PDK1: variants seen among roughly 807,000 people sequenced by gnomAD.
PDK1 encodes the protein [Pyruvate dehydrogenase (acetyl-transferring)] kinase isozyme 1, mitochondrial.
In PDK1, 39 loss-of-function variants were observed where a neutral mutation model predicts 54.2. That is an observed-to-expected ratio of 0.72 (90% CI 0.56 to 0.94). PDK1 has a LOEUF of 0.94. PDK1 is among the 40% of genes least tolerant of loss of function. The pLI is 0.00. For synonymous variants in PDK1, 221 were observed against 207.1 expected, an observed-to-expected ratio of 1.07 and a Z score of -0.58; for missense variants, 552 against 566.0, an observed-to-expected ratio of 0.98 and a Z score of 0.25.
At chr2:172,654,942 T>G in the PDK1 span, among the ~76,000 whole-genome samples, 1 of 152,044 alleles carries the variant, frequency 6.6e-6, no homozygotes, top group African/African-American at 2.4e-5. Context: ...CTGCAGGGGA[T>G]TGGGATTTTG....
chr2:172,671,105 T>A, the PDK1 span, among the ~76,000 whole-genome samples: 15 of 151,264 alleles, frequency 9.9e-5, no homozygotes, highest in South Asian at 4.2e-4. Flanking sequence ...TTTTTTTTTT[T>A]AAAAGCACAA....
At chr2:172,632,462 G>A in the PDK1 span, among the ~76,000 whole-genome samples, 1 of 152,132 alleles carries the variant, frequency 6.6e-6, no homozygotes, top group African/African-American at 2.4e-5. Flanking sequence ...TAAAGATCCA[G>A]TGCATGCTTT....
chr2:172,590,406 T>A (rs191102832), intron 9 of PDK1, among the ~76,000 whole-genome samples: 17 of 152,220 alleles, frequency 1.1e-4, no homozygotes, highest in African/African-American at 4.1e-4. Context: ...TTCCTTCAGA[T>A]GTTTAGATGT....
Position 172,603,263 on chromosome 2 carries a change from G to GA in PDK1, c.*7295dup, listed in dbSNP as rs1297821532. Reference sequence around the variant, plus strand: ...AATGGCAAGACAGATCTGGTAATCTGATTCTTAGAGTACTTAAAAAAGATA... The same window carrying GA: ...AATGGCAAGACAGATCTGGTAATCTGAATTCTTAGAGTACTTAAAAAAGATA... On this transcript the variant is annotated 3_prime_UTR_variant, in exon 11 of 11. Coordinates refer to ENST00000282077, the MANE Select transcript of PDK1 (RefSeq NM_002610.5). 6.6e-6 allele frequency: 1 copy of GA among 152,172 alleles called. No homozygotes were observed. Among genetic ancestry groups the GA allele is most frequent in the African/African-American group, 2.4e-5 (1 of 41,452 alleles). 9.4% of individuals were successfully genotyped at this position (152,172 alleles called of 1,614,324 possible).
Position 172,604,718 on chromosome 2 carries a change from A to G in PDK1, c.*8749A>G, listed in dbSNP as rs1487978195. 1 of 152,206 alleles carries G rather than the reference A, an allele frequency of 6.6e-6. No individual in the cohort carries two copies. The highest frequency in any genetic ancestry group is 6.5e-5 in the Admixed American group (1 of 15,282). 9.4% of individuals were successfully genotyped at this position (152,206 alleles called of 1,614,324 possible). On this transcript the variant is annotated 3_prime_UTR_variant, in exon 11 of 11. Transcript: ENST00000282077. ...TGAACTTGACTTTGCCCTCTTGTCT[A>G]GCCCTCTCCATTTAGACTTGGAAGG...
chr2:172,600,848 C>T lies in PDK1; in HGVS notation c.*4879C>T, dbSNP rs925180997. The T allele has an allele frequency of 6.6e-6, 1 of 152,180 alleles. No homozygotes were observed. Among genetic ancestry groups the T allele is most frequent in the South Asian group, 2.1e-4 (1 of 4,830 alleles). 9.4% of individuals were successfully genotyped at this position (152,180 alleles called of 1,614,324 possible). ...TTAGACTCTTATTCTATGTTGTCTT[C>T]GTCCAGCTTATCTGGAAGGGAGAGT... On this transcript the variant is annotated 3_prime_UTR_variant, in exon 11 of 11. Coordinates refer to ENST00000282077, the MANE Select transcript of PDK1 (RefSeq NM_002610.5).
At chr2:172,624,377 C>T in the PDK1 span, among the ~76,000 whole-genome samples, 1 of 152,166 alleles carries the variant, frequency 6.6e-6, no homozygotes, top group Non-Finnish European at 1.5e-5. Flanking sequence ...GCTCTGCCTC[C>T]TATCAGTTCA....
chr2:172,611,768 G>T (rs1691471224), downstream of PDK1, among the ~76,000 whole-genome samples: 1 of 152,238 alleles, frequency 6.6e-6, no homozygotes, highest in South Asian at 2.1e-4. Flanking sequence ...TGTAATCATA[G>T]AAACAGGCTG....
intron 9 of PDK1, among the ~76,000 whole-genome samples, chr2:172,588,305 G>A (rs1690375358): frequency 6.6e-6 from 1 of 152,220 alleles, no homozygotes; most frequent in South Asian, 2.1e-4. Context: ...GAGCGGCATA[G>A]TGAGCTAGTC....
chr2:172,684,158 T>C, the PDK1 span, among the ~76,000 whole-genome samples: 25 of 152,196 alleles, frequency 1.6e-4, no homozygotes, highest in Non-Finnish European at 2.9e-4. Context: ...CAGTGGCTTA[T>C]GCCTGTAATC....
chr2:172,700,334 G>T, the PDK1 span, among the ~76,000 whole-genome samples: 1 of 149,362 alleles, frequency 6.7e-6, no homozygotes, highest in African/African-American at 2.5e-5. Flanking sequence ...CGGGGCGGCC[G>T]GGCAGAGGCG....
At chr2:172,716,403 T>A in the PDK1 span, among the ~76,000 whole-genome samples, 5 of 152,146 alleles carry the variant, frequency 3.3e-5, no homozygotes, top group Admixed American at 6.5e-5. Flanking sequence ...GGCGTAATCT[T>A]GACTCACTAC....
chr2:172,592,409 C>T (rs996712715), intron 9 of PDK1, among the ~76,000 whole-genome samples: 1 of 151,754 alleles, frequency 6.6e-6, no homozygotes, highest in African/African-American at 2.4e-5. Flanking sequence ...CCCTCTTTGT[C>T]CCTGTCTCTT....
the PDK1 span, among the ~76,000 whole-genome samples, chr2:172,622,100 CAT>C: frequency 3.8e-5 from 5 of 131,014 alleles, no homozygotes; most frequent in Non-Finnish European, 8.4e-5. Context: ...GTTTATATCT[CAT>C]ATATTATGTG....
chr2:172,630,572 T>C, the PDK1 span, among the ~76,000 whole-genome samples: 405 of 152,280 alleles, frequency 2.7e-3, 1 homozygote, highest in African/African-American at 9.2e-3. Context: ...TGTCCTTCAC[T>C]GAATAATGAT....
chr2:172,594,152 C>T (rs1690762664), intron 10 of PDK1, among the ~76,000 whole-genome samples: 1 of 151,734 alleles, frequency 6.6e-6, no homozygotes, highest in Admixed American at 6.6e-5. Context: ...GTTCTCCTGC[C>T]TCAGCCTTCC....
At chr2:172,702,200 G>A in the PDK1 span, among the ~76,000 whole-genome samples, 2 of 152,062 alleles carry the variant, frequency 1.3e-5, no homozygotes, top group African/African-American at 4.8e-5. Flanking sequence ...GGGATGGCCG[G>A]GCGCAGTGGT....
chr2:172,607,550 G>C lies in PDK1; in HGVS notation c.*11581G>C, dbSNP rs1558967604. 6.6e-6 allele frequency: 1 copy of C among 152,156 alleles called. No homozygotes were observed. The highest frequency in any genetic ancestry group is 2.4e-5 in the African/African-American group (1 of 41,438). 9.4% of individuals were successfully genotyped at this position (152,156 alleles called of 1,614,324 possible). A position where few individuals can be genotyped will look rare whatever the true frequency, so the allele number is the denominator to read the frequency against. On this transcript the variant is annotated 3_prime_UTR_variant, in exon 11 of 11. Transcript: ENST00000282077. ...CTGTCATTGCTTTAGCAACCACTAC[G>C]GCTACAGGTTGTTGCATCATGCCAA...
chr2:172,572,441 T>C (rs1326694660), intron 8 of PDK1, among the ~76,000 whole-genome samples: 1 of 152,080 alleles, frequency 6.6e-6, no homozygotes, highest in Non-Finnish European at 1.5e-5. Flanking sequence ...ACCCAAGTAC[T>C]CCGTCAGGCA....
Sources: allele counts gnomAD v4.1 joint callset (sites outside exome capture counted in the v4.1 genomes callset), GRCh38; gene constraint gnomAD v4.1.1; transcripts MANE v1.5; gene names NCBI Gene and HGNC (gene_info 2026-07-23, HGNC 2026-07-21).